Variants in DISP2 observed in about 807,000 individuals in gnomAD.
The protein encoded by DISP2 is protein dispatched homolog 2.
Under a neutral mutation model 95.5 loss-of-function variants are expected in DISP2, and 59 were observed. The ratio of observed to expected loss-of-function variants is 0.62; its 90% confidence interval spans 0.50 to 0.77. DISP2 has a LOEUF of 0.77. DISP2 is among the 30% of genes least tolerant of loss of function. The probability of loss-of-function intolerance (pLI) is 0.00; values close to 1 mark genes in which losing one functional copy is unlikely to be tolerated. For synonymous variants in DISP2, 827 were observed against 815.0 expected (o/e 1.01, Z -0.25); for missense variants, 1,752 against 1,854.6 (o/e 0.94, Z 1.02).
In DISP2 at chr15:40,371,745, A is replaced by C. The variant is rs953432581; in HGVS notation, c.*1427A>C. 6.6e-5 allele frequency: 10 copies of C among 152,238 alleles called. No individual in the cohort carries two copies. The highest frequency in any genetic ancestry group is 2.4e-4 in the African/African-American group (10 of 41,458). The allele number at this position is 152,238 out of a possible 1,614,324, so 9.4% of individuals were successfully genotyped here. A position where few individuals can be genotyped will look rare whatever the true frequency, so the allele number is the denominator to read the frequency against. ...GTGAGAGCTCATGACACCAGGTGGC[A>C]TCAACATGTTTATTGAACACCTACT... On this transcript the variant is annotated 3_prime_UTR_variant, in exon 8 of 8. Transcript: ENST00000267889.
At position 40,378,209 on chromosome 15, in the gene DISP2, T is replaced by G. The variant is rs1889756366; in HGVS notation, c.*7891T>G. On this transcript the variant is annotated 3_prime_UTR_variant, in exon 8 of 8. Coordinates refer to ENST00000267889, the MANE Select transcript of DISP2 (RefSeq NM_033510.3). ...CTATGTGAGAATTAGACAAGGACAC[T>G]AAAAGAATTATTATAACTGTATTCC... 6.6e-6 allele frequency: 1 copy of G among 152,194 alleles called. No individual in the cohort carries two copies. Among genetic ancestry groups the G allele is most frequent in the Admixed American group, 6.5e-5 (1 of 15,276 alleles). The allele number at this position is 152,194 out of a possible 1,614,324, so 9.4% of individuals were successfully genotyped here.
intron 2 of DISP2, 101 bp from the exon 3 acceptor site, chr15:40,364,125 G>A: frequency 6.4e-7 from 1 of 1,557,490 alleles, no homozygotes. Context: ...TAATACCATG[G>A]GTTATCCCTC....
Position 40,367,163 on chromosome 15 carries a change from T to A in DISP2, c.1051T>A (p.Ser351Thr), listed in dbSNP as rs1889509917. ...CTATCTGGCTGTGCTCTCCAACCGC[T>A]CCTCCTGCCTGGACACTACCCAAGC... ...GNYLAVLSNR[S>T]SCLDTTQADA... The change falls in exon 8 of 8, where the codon TCC becomes ACC. Residue 351 changes from serine to threonine, a missense_variant. Around this residue, in one of 5 missense-constraint regions of DISP2, gnomAD observed 732 missense variants for 714.6 expected, o/e 1.02. Transcript: ENST00000267889. 1 of 1,613,764 alleles carries A rather than the reference T, an allele frequency of 6.2e-7. No individual in the cohort carries two copies. The highest frequency in any genetic ancestry group is 1.1e-5 in the South Asian group (1 of 91,080).
Position 40,374,014 on chromosome 15 carries a change from A to AAAAAAAAAAAAAAAAAAAAATATATAT in DISP2, c.*3697_*3698insAAAAAAAAAAAAAAAAAAATATATATA. 1 of 104,204 alleles carries AAAAAAAAAAAAAAAAAAAAATATATAT rather than the reference A, an allele frequency of 9.6e-6. No individual in the cohort carries two copies. Among genetic ancestry groups the AAAAAAAAAAAAAAAAAAAAATATATAT allele is most frequent in the Non-Finnish European group, 1.9e-5 (1 of 51,294 alleles). The allele number at this position is 104,204 out of a possible 1,614,324, so 6.5% of individuals were successfully genotyped here. On this transcript the variant is annotated 3_prime_UTR_variant, in exon 8 of 8. Transcript: ENST00000267889. ...GCGAGACTCCATCTTAAAAAAAAAA[A>AAAAAAAAAAAAAAAAAAAAATATATAT]ATATATATATATATATATGTAAACT...
In DISP2 at chr15:40,372,766, C is replaced by G. The variant is rs1889666186; in HGVS notation, c.*2448C>G. Reference sequence around the variant, plus strand: ...AGGGAGGTTAAGGGAACTCTTCCTCCCAAGCATGAGCAGAAGACACTTTGC... The same window carrying G: ...AGGGAGGTTAAGGGAACTCTTCCTCGCAAGCATGAGCAGAAGACACTTTGC... On this transcript the variant is annotated 3_prime_UTR_variant, in exon 8 of 8. Coordinates refer to ENST00000267889, the MANE Select transcript of DISP2 (RefSeq NM_033510.3). 1 of 152,148 alleles carries G rather than the reference C, an allele frequency of 6.6e-6. No homozygotes were observed. Among genetic ancestry groups the G allele is most frequent in the African/African-American group, 2.4e-5 (1 of 41,414 alleles). The allele number at this position is 152,148 out of a possible 1,614,324, so 9.4% of individuals were successfully genotyped here.
Position 40,369,362 on chromosome 15 carries a change from C to T in DISP2, c.3250C>T (p.Leu1084Phe), listed in dbSNP as rs1332907260. The change falls in exon 8 of 8, where the codon CTC becomes TTC. Residue 1084 changes from leucine to phenylalanine, a missense_variant. By Grantham distance (22) the Leu-to-Phe change is conservative (BLOSUM62 0). This residue lies in a region of DISP2 where 317 missense variants were observed against 394.9 expected (regional missense o/e 0.80). Transcript: ENST00000267889. ...GCTCATGCTGCCTGCCACAGTGCTG[C>T]TCTATCGCAAGCTGGGCATCATCCT... Reference protein sequence around the residue: ...GVLMLPATVLLYRKLGIILMM... With the variant: ...GVLMLPATVLFYRKLGIILMM... The T allele has an allele frequency of 6.2e-7, 1 of 1,613,500 alleles. No individual in the cohort carries two copies. Among genetic ancestry groups the T allele is most frequent in the African/African-American group, 1.3e-5 (1 of 74,954 alleles).
rs1329024121 is a variant in DISP2 at position 40,363,697 on chromosome 15, G to A, written c.192G>A (p.Glu64=). The change falls in exon 2 of 8, where the codon GAG becomes GAA. Residue 64 remains glutamate, a synonymous_variant. Transcript: ENST00000267889. ...RSCSLHSCPL[E]DPSSSSGPPP... is the part of the protein sequence containing the mutation. ...GCTCCCTCCACAGCTGCCCCCTGGAGGACCCTTCCAGCTCTTCAGGACCCC... is the reference window on the plus strand; with the variant it reads ...GCTCCCTCCACAGCTGCCCCCTGGAAGACCCTTCCAGCTCTTCAGGACCCC... 1 of 1,608,668 alleles carries A rather than the reference G, an allele frequency of 6.2e-7. No individual in the cohort carries two copies. The highest frequency in any genetic ancestry group is 1.1e-5 in the South Asian group (1 of 90,204).
chr15:40,359,005 G>A (rs1015957276), intron 1 of DISP2, among the ~76,000 whole-genome samples: 2 of 152,208 alleles, frequency 1.3e-5, no homozygotes, highest in African/African-American at 4.8e-5. Flanking sequence ...ACACTGGCTG[G>A]AGCCGCTAAG....
rs1889647099 is a variant in DISP2, at chr15:40,371,626, A to G, written c.*1308A>G. The G allele has an allele frequency of 6.6e-6, 1 of 152,216 alleles. No individual in the cohort carries two copies. Among genetic ancestry groups the G allele is most frequent in the African/African-American group, 2.4e-5 (1 of 41,452 alleles). 9.4% of individuals were successfully genotyped at this position (152,216 alleles called of 1,614,324 possible). A position where few individuals can be genotyped will look rare whatever the true frequency, so the allele number is the denominator to read the frequency against. On this transcript the variant is annotated 3_prime_UTR_variant, in exon 8 of 8. Transcript: ENST00000267889. The stretch of plus-strand genomic sequence containing the variant: ...AGCTGCTTCCCAGGTTAGGGTCCCC[A>G]GCTTTTTAAGGACAAGTCTCTCTGT...
chr15:40,363,763 C>T lies in DISP2; in HGVS notation c.258C>T (p.Ser86=). The T allele has an allele frequency of 6.2e-7, 1 of 1,613,824 alleles. No individual in the cohort carries two copies. The highest frequency in any genetic ancestry group is 8.5e-7 in the Non-Finnish European group (1 of 1,179,826). The change falls in exon 2 of 8, where the codon AGC becomes AGT. Residue 86 remains serine, a synonymous_variant. Coordinates refer to ENST00000267889, the MANE Select transcript of DISP2 (RefSeq NM_033510.3). ...TSTLQPVGPS[S]PLAPAHFTYP... is the part of the protein sequence containing the mutation. The stretch of plus-strand genomic sequence containing the variant: ...CCCTCCAGCCTGTGGGTCCATCCAG[C>T]CCCTTGGCCCCTGCCCACTTCACCT...
intron 5 of DISP2, 66 bp downstream of exon 5, chr15:40,365,019 A>G: frequency 1.2e-6 from 2 of 1,601,106 alleles, no homozygotes; most frequent in Non-Finnish European, 1.7e-6. Flanking sequence ...GGAAGGGGAC[A>G]TTGGGTGACC....
Position 40,358,285 on chromosome 15 carries a change from C to T in DISP2, c.-37C>T, listed in dbSNP as rs1889347365. The T allele has an allele frequency of 2.4e-6, 3 of 1,246,260 alleles. No individual in the cohort carries two copies. The highest frequency in any genetic ancestry group is 3.6e-5 in the South Asian group (1 of 27,566). 77.2% of individuals were successfully genotyped at this position (1,246,260 alleles called of 1,614,324 possible). A position where few individuals can be genotyped will look rare whatever the true frequency, so the allele number is the denominator to read the frequency against. On this transcript the variant is annotated 5_prime_UTR_variant, in exon 1 of 8. The change creates a premature stop within an existing upstream ORF in the 5' untranslated region. Coordinates refer to ENST00000267889, the MANE Select transcript of DISP2 (RefSeq NM_033510.3). ...GCCGCCGCCGCCGCCGCCGCGGCTT[C>T]AGCACCAGCGCCCGGACAGCGGTGC...
At position 40,368,190 on chromosome 15, in the gene DISP2, G is replaced by A. The variant is rs1446806983; in HGVS notation, c.2078G>A (p.Arg693His). The A allele has an allele frequency of 3.7e-6, 6 of 1,602,616 alleles. No homozygotes were observed. Among genetic ancestry groups the A allele is most frequent in the East Asian group, 2.3e-5 (1 of 44,262 alleles). ...GGCACCTCGCGTCTGCTCTTCCAGC[G>A]CCTGCTGCCCTGCGGCGTCATCAAG... ...AAGTSRLLFQ[R>H]LLPCGVIKFR... Residue 693 changes from arginine to histidine, a missense_variant, in exon 8 of 8, where the codon CGC becomes CAC. Physicochemically the swap from Arg to His is conservative, Grantham distance 29. This residue lies in a region of DISP2 where 732 missense variants were observed against 714.6 expected (regional missense o/e 1.02). Transcript: ENST00000267889.
rs751321669 is a variant in DISP2 at position 40,369,062 on chromosome 15, T to C, written c.2950T>C (p.Trp984Arg). ...LAFATLLLGT[W>R]NVPLSLFSVA... Reference sequence around the variant, plus strand: ...CTTTGCCACACTGCTCCTGGGCACCTGGAATGTTCCCCTCAGCCTATTCTC... The same window carrying C: ...CTTTGCCACACTGCTCCTGGGCACCCGGAATGTTCCCCTCAGCCTATTCTC... The change falls in exon 8 of 8, where the codon TGG becomes CGG. Residue 984 changes from tryptophan to arginine, a missense_variant. Trp to Arg is a moderately radical substitution (Grantham distance 101, BLOSUM62 -3). Coordinates refer to ENST00000267889, the MANE Select transcript of DISP2 (RefSeq NM_033510.3). The C allele has an allele frequency of 3.1e-6, 5 of 1,614,038 alleles. No homozygotes were observed. The South Asian group carries it at 4.4e-5, about 14-fold the overall frequency.
chr15:40,358,247 C>CGCT lies in DISP2; in HGVS notation c.-73_-72insTGC. The CGCT allele has an allele frequency of 9.5e-6, 10 of 1,052,572 alleles. No individual in the cohort carries two copies. Among genetic ancestry groups the CGCT allele is most frequent in the Non-Finnish European group, 7.0e-6 (6 of 859,348 alleles). The allele number at this position is 1,052,572 out of a possible 1,614,324, so 65.2% of individuals were successfully genotyped here. ...CGCACGAGCACCCCGCCGCCGCTGCCGCCGCCACCGCCGCCGCCGCCGCCG... is the reference window on the plus strand; with the variant it reads ...CGCACGAGCACCCCGCCGCCGCTGCCGCTGCCGCCACCGCCGCCGCCGCCGCCG... On this transcript the variant is annotated 5_prime_UTR_variant, in exon 1 of 8. Coordinates refer to ENST00000267889, the MANE Select transcript of DISP2 (RefSeq NM_033510.3).
chr15:40,364,174 G>T (rs568668264), intron 2 of DISP2, 52 bp from the exon 3 acceptor site: 2 of 1,590,940 alleles, frequency 1.3e-6, no homozygotes, highest in East Asian at 4.5e-5. Context: ...CCCAACACAC[G>T]CCCTCTGCAA....
intron 4 of DISP2, 47 bp downstream of exon 4, chr15:40,364,591 G>T: frequency 6.3e-7 from 1 of 1,596,674 alleles, no homozygotes. Flanking sequence ...TGGCCACCTT[G>T]ACCCAGCCTG....
chr15:40,371,379 T>G lies in DISP2; in HGVS notation c.*1061T>G, dbSNP rs1327004427. The G allele has an allele frequency of 1.3e-5, 2 of 152,322 alleles. No individual in the cohort carries two copies. The highest frequency in any genetic ancestry group is 1.5e-5 in the Non-Finnish European group (1 of 68,126). The allele number at this position is 152,322 out of a possible 1,614,324, so 9.4% of individuals were successfully genotyped here. A position where few individuals can be genotyped will look rare whatever the true frequency, so the allele number is the denominator to read the frequency against. Reference sequence around the variant, plus strand: ...TATTCCAAAAAAACCCAGGAGTTCCTCTCCATCTCCCCCGTGCCTCCCTCT... The same window carrying G: ...TATTCCAAAAAAACCCAGGAGTTCCGCTCCATCTCCCCCGTGCCTCCCTCT... On this transcript the variant is annotated 3_prime_UTR_variant, in exon 8 of 8. Coordinates refer to ENST00000267889, the MANE Select transcript of DISP2 (RefSeq NM_033510.3).
intron 1 of DISP2, among the ~76,000 whole-genome samples, chr15:40,359,164 C>T (rs2141257724): frequency 6.6e-6 from 1 of 152,338 alleles, no homozygotes; most frequent in Middle Eastern, 3.4e-3. Flanking sequence ...GAGGGAACAG[C>T]CCAGCTAGGT....
Sources: gnomAD v4.1 joint callset for allele counts (sites outside exome capture counted in the v4.1 genomes callset) on GRCh38, gnomAD v4.1.1 for gene constraint, gnomAD v4.1.1 regional missense constraint, MANE v1.5 for transcripts, NCBI Gene and HGNC (gene_info 2026-07-23, HGNC 2026-07-21) for gene names.